Variants in TRIO observed in about 807,000 individuals in gnomAD.
TRIO encodes triple functional domain protein.
In TRIO, 58 loss-of-function variants were observed where a neutral mutation model predicts 351.9. The observed-to-expected ratio is 0.16, with a 90% confidence interval of 0.13 to 0.21. The LOEUF is 0.21. Ranked by LOEUF, TRIO falls within the 10% of genes least tolerant of loss-of-function variation. The pLI is 1.00. For synonymous variants in TRIO, 1,758 were observed against 1,595.7 expected (o/e 1.10, Z -2.42); for missense variants, 3,201 against 4,027.8 (o/e 0.79, Z 5.56).
intron 1 of TRIO, among the ~76,000 whole-genome samples, chr5:14,250,301 C>T (rs1794664636): frequency 2.0e-5 from 3 of 152,222 alleles, no homozygotes; most frequent in Admixed American, 1.3e-4. Context: ...TTTATCGGCT[C>T]AGAGCGACTG....
chr5:14,359,378 C>G lies in TRIO; in HGVS notation c.2238C>G (p.Asn746Lys). ...GCAGGGACTCTGCCATCTCCAGTAA[C>G]AAGACCCCCCACAACAGCTCCATCA... Reference protein sequence around the residue: ...QQLRDSAISSNKTPHNSSINH... With the variant: ...QQLRDSAISSKKTPHNSSINH... The change falls in exon 13 of 57, where the codon AAC becomes AAG. Residue 746 changes from asparagine to lysine, a missense_variant. Around this residue, in one of 19 missense-constraint regions of TRIO, gnomAD observed 363 missense variants for 553.5 expected, o/e 0.66. Transcript: ENST00000344204. The G allele has an allele frequency of 6.2e-7, 1 of 1,613,694 alleles. No homozygotes were observed.
chr5:14,396,966 A>T, intron 28 of TRIO, 77 bp from the exon 29 acceptor site: 1 of 1,294,344 alleles, frequency 7.7e-7, no homozygotes, highest in Non-Finnish European at 1.1e-6. Context: ...ATGGGCTTTC[A>T]TAAACTGTTT....
chr5:14,211,119 T>C (rs1046749229), intron 1 of TRIO, among the ~76,000 whole-genome samples: 1 of 152,246 alleles, frequency 6.6e-6, no homozygotes, highest in Non-Finnish European at 1.5e-5. Flanking sequence ...CTTTTGACTT[T>C]ACCTTCTTCT....
At chr5:14,421,881 C>A (rs1247910269) in intron 34 of TRIO, among the ~76,000 whole-genome samples, 1 of 152,196 alleles carries the variant, frequency 6.6e-6, no homozygotes, top group Non-Finnish European at 1.5e-5. Context: ...GACATAGGAA[C>A]TGCAGGAGCA....
chr5:14,233,359 G>A (rs1158208251), intron 1 of TRIO, among the ~76,000 whole-genome samples: 1 of 150,560 alleles, frequency 6.6e-6, no homozygotes, highest in East Asian at 1.9e-4. Context: ...GTGTGGTGGT[G>A]TGTGTCTGTA....
chr5:14,162,084 A>T (rs1293592090), intron 1 of TRIO, among the ~76,000 whole-genome samples: 1 of 152,132 alleles, frequency 6.6e-6, no homozygotes, highest in Non-Finnish European at 1.5e-5. Flanking sequence ...GCACAGTATT[A>T]GTTGTGGGTT....
At chr5:14,173,163 C>T (rs1393158311) in intron 1 of TRIO, among the ~76,000 whole-genome samples, 1 of 148,884 alleles carries the variant, frequency 6.7e-6, no homozygotes, top group African/African-American at 2.5e-5. Flanking sequence ...ACTGAACAGC[C>T]ATCTCAGATG....
intron 1 of TRIO, among the ~76,000 whole-genome samples, chr5:14,217,481 A>C (rs1467262444): frequency 6.6e-6 from 1 of 152,152 alleles, no homozygotes; most frequent in Non-Finnish European, 1.5e-5. Context: ...CCAGGTATGA[A>C]GTATACAGAA....
chr5:14,284,457 A>G (rs1018409759), intron 3 of TRIO, among the ~76,000 whole-genome samples: 2 of 152,210 alleles, frequency 1.3e-5, no homozygotes, highest in Non-Finnish European at 2.9e-5. Context: ...GTGCACTCCC[A>G]GCCCAGTCCA....
At chr5:14,253,160 A>G (rs965804467) in intron 1 of TRIO, among the ~76,000 whole-genome samples, 3 of 152,248 alleles carry the variant, frequency 2.0e-5, no homozygotes, top group Admixed American at 6.5e-5. Context: ...GGAGTGCTGC[A>G]CTTGCCACAT....
chr5:14,334,128 A>G (rs193089917), intron 10 of TRIO, among the ~76,000 whole-genome samples: 2 of 152,318 alleles, frequency 1.3e-5, no homozygotes, highest in Admixed American at 6.5e-5. Context: ...CGCCTGTGAA[A>G]TGGGAAATCA....
At position 14,358,357 on chromosome 5, in the gene TRIO, A is replaced by G. The variant is rs371102385; in HGVS notation, c.2216+10A>G. 7.9e-5 allele frequency: 128 copies of G among 1,613,138 alleles called. No individual in the cohort carries two copies. Among genetic ancestry groups the G allele is most frequent in the Admixed American group, 6.3e-4 (38 of 59,960 alleles). The stretch of plus-strand genomic sequence containing the variant: ...TCATCCAGCAGCTCAGGTGGGCCTC[A>G]CCCCTCTCCTGGTCCGAACAGATTC... On this transcript the variant is annotated intron_variant, in intron 12 of 56. Coordinates refer to ENST00000344204, the MANE Select transcript of TRIO (RefSeq NM_007118.4).
At chr5:14,417,593 C>A (rs1296894479) in intron 33 of TRIO, among the ~76,000 whole-genome samples, 1 of 152,200 alleles carries the variant, frequency 6.6e-6, no homozygotes, top group Non-Finnish European at 1.5e-5. Context: ...GAGGCTGGGC[C>A]ATTTCCTCCT....
intron 1 of TRIO, among the ~76,000 whole-genome samples, chr5:14,218,258 C>G (rs1271222016): frequency 1.3e-5 from 2 of 152,112 alleles, no homozygotes; most frequent in African/African-American, 4.8e-5. Context: ...GTGAAGTCGT[C>G]GGTTTAAAGA....
intron 1 of TRIO, among the ~76,000 whole-genome samples, chr5:14,202,531 A>C (rs1791202429): frequency 6.6e-6 from 1 of 151,392 alleles, no homozygotes; most frequent in Non-Finnish European, 1.5e-5. Flanking sequence ...TCCAAACCCA[A>C]ATCTCATCTT....
chr5:14,369,752 A>G (rs1238164747), intron 18 of TRIO, among the ~76,000 whole-genome samples: 1 of 152,240 alleles, frequency 6.6e-6, no homozygotes, highest in African/African-American at 2.4e-5. Context: ...AAATAGCTAA[A>G]AATCTGTATG....
chr5:14,389,366 A>C lies in TRIO; in HGVS notation c.4026A>C (p.Gly1342=). Residue 1342 remains glycine, a synonymous_variant, in exon 25 of 57, where the codon GGA becomes GGC. Coordinates refer to ENST00000344204, the MANE Select transcript of TRIO (RefSeq NM_007118.4). ...TAAACAAAGAACTCATCATCTTCGG[A>C]AACATGCAAGAAATCTACGAATTTC... The part of the protein sequence containing the change: ...GIVNKELIIF[G]NMQEIYEFHN... 1 of 1,611,368 alleles carries C rather than the reference A, an allele frequency of 6.2e-7. No homozygotes were observed. Among genetic ancestry groups the C allele is most frequent in the Non-Finnish European group, 8.5e-7 (1 of 1,179,046 alleles).
intron 9 of TRIO, among the ~76,000 whole-genome samples, chr5:14,317,110 G>A (rs139493614): frequency 1.5e-3 from 233 of 152,276 alleles, no homozygotes; most frequent in African/African-American, 5.2e-3. Context: ...CAGTGAGGTG[G>A]TCATGCTTCA....
chr5:14,496,433 C>T (rs187992995), intron 49 of TRIO, among the ~76,000 whole-genome samples: 13 of 152,306 alleles, frequency 8.5e-5, no homozygotes, highest in East Asian at 1.9e-4. Flanking sequence ...TGCTAGAGAA[C>T]GCCCTCTTGC....
Sources: gnomAD v4.1 joint callset for allele counts (sites outside exome capture counted in the v4.1 genomes callset) on GRCh38, gnomAD v4.1.1 for gene constraint, gnomAD v4.1.1 regional missense constraint, MANE v1.5 for transcripts, NCBI Gene and HGNC (gene_info 2026-07-23, HGNC 2026-07-21) for gene names.